The following DDX43 variants were observed in gnomAD, a reference collection of about 807,000 sequenced individuals.
The protein encoded by DDX43 is DEAD-box helicase 43, also known as probable ATP-dependent RNA helicase DDX43.
Under a neutral mutation model 84.9 loss-of-function variants are expected in DDX43, and 50 were observed. That is an observed-to-expected ratio of 0.59 (90% confidence interval 0.47 to 0.75). The LOEUF (loss-of-function observed/expected upper bound fraction) is 0.75, where lower values mean the gene tolerates loss of function less well. Among genes scored for constraint, DDX43 ranks in the 30% least tolerant of loss-of-function variants. The probability of loss-of-function intolerance (pLI) is 0.00; values close to 1 mark genes in which losing one functional copy is unlikely to be tolerated. For missense variants in DDX43, 689 were observed against 798.6 expected, an observed-to-expected ratio of 0.86 and a Z score of 1.65; for synonymous variants, 291 against 266.3, an observed-to-expected ratio of 1.09 and a Z score of -0.90.
intron 10 of DDX43, 24 bp downstream of exon 10, chr6:73,409,372 G>A (rs1287369745): frequency 6.6e-7 from 1 of 1,517,902 alleles, no homozygotes; most frequent in East Asian, 2.3e-5. Flanking sequence ...TAATTACTGT[G>A]TGCAGAATAG....
intron 2 of DDX43, among the ~76,000 whole-genome samples, chr6:73,399,612 A>G (rs563559998): frequency 1.3e-5 from 2 of 152,338 alleles, no homozygotes; most frequent in South Asian, 4.1e-4. Flanking sequence ...CCAACCTAAG[A>G]CAAAATTTGG....
At chr6:73,416,975 G>A (rs1769915845) in intron 16 of DDX43, among the ~76,000 whole-genome samples, 1 of 152,180 alleles carries the variant, frequency 6.6e-6, no homozygotes, top group African/African-American at 2.4e-5. Flanking sequence ...GGAAGTGGAG[G>A]TTGCAGTGAG....
chr6:73,397,797 G>A, intron 2 of DDX43, 53 bp downstream of exon 2: 1 of 1,497,960 alleles, frequency 6.7e-7, no homozygotes, highest in South Asian at 1.1e-5. Context: ...ATTTCTAAGG[G>A]AGCACCTAAC....
Position 73,408,022 on chromosome 6 carries a change from A to C in DDX43, c.1100A>C (p.Asp367Ala), listed in dbSNP as rs1171329536. The change falls in exon 9 of 17, where the codon GAT becomes GCT. Residue 367 changes from aspartate (D) to alanine (A), a missense_variant. Coordinates refer to ENST00000370336, the MANE Select transcript of DDX43 (RefSeq NM_018665.3). ...EQIEELKKGV[D>A]IIIATPGRLN... ...ATAGAAGAGCTTAAAAAAGGTGTAG[A>C]TATCATAATTGCAACTCCCGGAAGA... The C allele has an allele frequency of 2.5e-6, 4 of 1,613,952 alleles. No individual in the cohort carries two copies.
At position 73,412,306 on chromosome 6, in the gene DDX43, T is replaced by TA. The variant is rs1467458296; in HGVS notation, c.1368+15dup. ...TTGGATCTAGTTGTAAGCTTTTTTT[T>TA]ATTACTATTGTTTAACATTTCTTAT... On this transcript the variant is annotated intron_variant, in intron 11 of 16. Transcript: ENST00000370336. 3.1e-6 allele frequency: 5 copies of TA among 1,594,600 alleles called. No homozygotes were observed. The South Asian group carries it at 4.6e-5, about 15-fold the overall frequency.
intron 9 of DDX43, among the ~76,000 whole-genome samples, chr6:73,408,762 GCCAGGCTGGTCTTAAACT>G (rs1769730170): frequency 6.6e-6 from 1 of 151,912 alleles, no homozygotes; most frequent in Non-Finnish European, 1.5e-5. Context: ...CATCATGTTG[GCCAGGCTGGTCTTAAACT>G]CCTAACCTCA....
intron 15 of DDX43, 50 bp from the exon 16 acceptor site, chr6:73,416,062 GT>G (rs1184416599): frequency 1.3e-5 from 12 of 952,386 alleles, no homozygotes; most frequent in African/African-American, 4.8e-5. Flanking sequence ...GCATTTTAGT[GT>G]TGTAGAAAAG....
At chr6:73,407,938 C>G (rs1401653618) in intron 8 of DDX43, 22 bp from the exon 9 acceptor site, 1 of 1,601,602 alleles carries the variant, frequency 6.2e-7, no homozygotes, top group South Asian at 1.1e-5. Context: ...AAACATTAAC[C>G]TTTAGATTTT....
intron 4 of DDX43, among the ~76,000 whole-genome samples, chr6:73,403,439 C>T (rs1414003452): frequency 6.6e-6 from 1 of 152,010 alleles, no homozygotes; most frequent in Non-Finnish European, 1.5e-5. Flanking sequence ...CATTGCACTC[C>T]AGCCTGGGCG....
chr6:73,407,932 A>T, intron 8 of DDX43, 28 bp from the exon 9 acceptor site: 1 of 1,598,444 alleles, frequency 6.3e-7, no homozygotes, highest in Non-Finnish European at 8.5e-7. Flanking sequence ...GTGCCTAAAC[A>T]TTAACCTTTA....
intron 10 of DDX43, among the ~76,000 whole-genome samples, chr6:73,411,032 C>T (rs961561213): frequency 4.0e-5 from 6 of 151,482 alleles, no homozygotes; most frequent in African/African-American, 1.5e-4. Flanking sequence ...TAAATTTACC[C>T]GGGAGTGGTG....
chr6:73,399,430 C>T (rs1310676640), intron 2 of DDX43, among the ~76,000 whole-genome samples: 3 of 152,128 alleles, frequency 2.0e-5, no homozygotes, highest in African/African-American at 7.2e-5. Context: ...ACATACGCTG[C>T]TACCATAGCT....
Position 73,394,897 on chromosome 6 carries a change from C to T in DDX43, c.-9C>T, listed in dbSNP as rs191215626. The T allele has an allele frequency of 1.3e-3, 2,097 of 1,613,788 alleles. 21 individuals carry two copies. In the African/African-American group the frequency reaches 0.023, roughly 18 times the overall value. On this transcript the variant is annotated 5_prime_UTR_variant, in exon 1 of 17. Transcript: ENST00000370336. ...GGCAACGACGTCGGACGCGCCCCTTCTTGGAACAATGTCCCACCACGGAGG... is the reference window on the plus strand; with the variant it reads ...GGCAACGACGTCGGACGCGCCCCTTTTTGGAACAATGTCCCACCACGGAGG...
At position 73,404,777 on chromosome 6, in the gene DDX43, T is replaced by C; in HGVS notation, c.650+6T>C. The C allele has an allele frequency of 1.2e-6, 2 of 1,603,538 alleles. No individual in the cohort carries two copies. Among genetic ancestry groups the C allele is most frequent in the Non-Finnish European group, 1.7e-6 (2 of 1,171,596 alleles). On this transcript the variant is annotated splice_donor_region_variant and intron_variant, in intron 5 of 16. Transcript: ENST00000370336. ...GTAGAAGCAGATAGTTGGAGGTGGG[T>C]AGTTTCATTACCTAGTTGTGTAAGT...
At chr6:73,398,852 G>A (rs1015507602) in intron 2 of DDX43, among the ~76,000 whole-genome samples, 2 of 152,130 alleles carry the variant, frequency 1.3e-5, no homozygotes, top group Non-Finnish European at 2.9e-5. Context: ...ACTTCTCAAG[G>A]GGAATGTCAT....
Position 73,415,531 on chromosome 6 carries a change from A to G in DDX43, c.1780A>G (p.Asn594Asp). Residue 594 changes from asparagine (N) to aspartate (D), a missense_variant, in exon 15 of 17, where the codon AAT becomes GAT. Physicochemically the swap from Asn to Asp is conservative, Grantham distance 23 (BLOSUM62 1). This residue lies in a region of DDX43 where 552 missense variants were observed against 692.7 expected (regional missense o/e 0.80). Coordinates refer to ENST00000370336, the MANE Select transcript of DDX43 (RefSeq NM_018665.3). ...TGVSITTLTR[N>D]DWRVASELIN... is the part of the protein sequence containing the mutation. ...TGTTTCCATTACAACTTTGACTAGA[A>G]ATGATTGGAGGGTTGCCTCTGAATT... The G allele has an allele frequency of 6.2e-7, 1 of 1,613,604 alleles. No individual in the cohort carries two copies. Among genetic ancestry groups the G allele is most frequent in the Non-Finnish European group, 8.5e-7 (1 of 1,179,676 alleles).
chr6:73,411,538 A>C (rs1562285672), intron 10 of DDX43, among the ~76,000 whole-genome samples: 1 of 151,850 alleles, frequency 6.6e-6, no homozygotes, highest in Non-Finnish European at 1.5e-5. Flanking sequence ...CATGTTGACC[A>C]GGCTGGTCTC....
chr6:73,405,470 T>C (rs1769658271), intron 5 of DDX43, among the ~76,000 whole-genome samples: 1 of 152,182 alleles, frequency 6.6e-6, no homozygotes, highest in Admixed American at 6.6e-5. Flanking sequence ...ATGTATAATG[T>C]TTTTAAGTTT....
chr6:73,403,931 C>T (rs1406447881), intron 4 of DDX43, among the ~76,000 whole-genome samples: 2 of 150,590 alleles, frequency 1.3e-5, no homozygotes, highest in African/African-American at 2.5e-5. Flanking sequence ...GATTCTCCTA[C>T]TTCAGGCTTC....
Sources: allele counts gnomAD v4.1 joint callset (sites outside exome capture counted in the v4.1 genomes callset), GRCh38; gene constraint gnomAD v4.1.1; regional missense constraint gnomAD v4.1.1; transcripts MANE v1.5; gene names NCBI Gene and HGNC (gene_info 2026-07-23, HGNC 2026-07-21).